The following RUBCN variants were observed in gnomAD, a reference collection of about 807,000 sequenced individuals.
RUBCN encodes the protein run domain Beclin-1-interacting and cysteine-rich domain-containing protein.
RUBCN carries 74 observed loss-of-function variants against 113.2 expected under a neutral mutation model. That is an observed-to-expected ratio of 0.65 (90% CI 0.54 to 0.79). The LOEUF is 0.79. Ranked by LOEUF, RUBCN falls within the 30% of genes least tolerant of loss-of-function variation. The pLI is 0.00. For missense variants in RUBCN, 1,109 were observed against 1,251.7 expected (o/e 0.89, Z 1.72); for synonymous variants, 480 against 490.0 (o/e 0.98, Z 0.27).
In RUBCN at chr3:197,676,950, C is replaced by T; in HGVS notation, c.2581G>A (p.Gly861Arg). The change falls in exon 18 of 20, where the codon GGG (glycine) becomes AGG (arginine). Residue 861 changes from glycine (G) to arginine (R), a missense_variant. Gly to Arg is a moderately radical substitution (Grantham distance 125, BLOSUM62 -2). Transcript: ENST00000296343. Reference sequence around the variant, plus strand: ...TCAGCAAGCCGGGGCCCCAGCTCCCCCTTCCTGGTCGCAGTCAGGTCATTC... The same window carrying T: ...TCAGCAAGCCGGGGCCCCAGCTCCCTCTTCCTGGTCGCAGTCAGGTCATTC... Reference protein sequence around the residue: ...SLNDLTATRKGELGPRLAELT... With the variant: ...SLNDLTATRKRELGPRLAELT... 6.2e-7 allele frequency: 1 copy of T among 1,614,244 alleles called. No homozygotes were observed. The highest frequency in any genetic ancestry group is 1.3e-5 in the African/African-American group (1 of 75,054).
intron 7 of RUBCN, among the ~76,000 whole-genome samples, chr3:197,698,141 T>C (rs1723217211): frequency 6.6e-6 from 1 of 152,198 alleles, no homozygotes; most frequent in South Asian, 2.1e-4. Flanking sequence ...ACTTACTGAG[T>C]TCACTACCTC....
intron 10 of RUBCN, 74 bp downstream of exon 10, chr3:197,694,301 A>G (rs1198500779): frequency 7.9e-7 from 1 of 1,272,608 alleles, no homozygotes; most frequent in Non-Finnish European, 1.2e-6. Context: ...CAGAGGAACC[A>G]CTGGTTTGGG....
chr3:197,681,186 G>T lies in RUBCN; in HGVS notation c.2373C>A (p.Asn791Lys). ...LIKIWNDPLF[N>K]VQDINSALYR... is the part of the protein sequence containing the mutation. Reference sequence around the variant, plus strand: ...AGAGGGCACTGTTTATGTCCTGCACGTTGAAGAGAGGATCATTCCAGATCT... The same window carrying T: ...AGAGGGCACTGTTTATGTCCTGCACTTTGAAGAGAGGATCATTCCAGATCT... Residue 791 changes from asparagine to lysine, a missense_variant, in exon 16 of 20, where the codon AAC becomes AAA. Around this residue, in one of 3 missense-constraint regions of RUBCN, gnomAD observed 306 missense variants for 348.9 expected, o/e 0.88. Transcript: ENST00000296343. This position sits in a 1 kb window ranked among gnomAD's most constrained non-coding sequence, Gnocchi z 5.5. 1 of 1,614,124 alleles carries T rather than the reference G, an allele frequency of 6.2e-7. No homozygotes were observed. The highest frequency in any genetic ancestry group is 8.5e-7 in the Non-Finnish European group (1 of 1,180,006).
At chr3:197,710,966 C>T (rs909516549) in intron 2 of RUBCN, among the ~76,000 whole-genome samples, 1 of 152,146 alleles carries the variant, frequency 6.6e-6, no homozygotes. Flanking sequence ...GCTGGGACTA[C>T]AGGCACATGC....
chr3:197,734,083 C>A (rs1320985054), intron 1 of RUBCN, among the ~76,000 whole-genome samples: 1 of 151,878 alleles, frequency 6.6e-6, no homozygotes, highest in Non-Finnish European at 1.5e-5. Flanking sequence ...TGGCGAAACC[C>A]CGTCTCTACT....
In RUBCN at chr3:197,718,121, G is replaced by A. The variant is rs777284300; in HGVS notation, c.75C>T (p.His25=). The A allele has an allele frequency of 1.2e-6, 2 of 1,614,122 alleles. No individual in the cohort carries two copies. The highest frequency in any genetic ancestry group is 2.2e-5 in the East Asian group (1 of 44,882). The part of the protein sequence containing the change: ...ERLPEESRRE[H]WQLLGNLKTT... ...TCTTCAAATTACCCAGCAACTGCCA[G>A]TGCTCCCTCCTGCAAGGGCATCAGT... The change falls in exon 2 of 20, where the codon CAC becomes CAT. Residue 25 remains histidine, a synonymous_variant. Coordinates refer to ENST00000296343, the MANE Select transcript of RUBCN (RefSeq NM_014687.4).
intron 2 of RUBCN, among the ~76,000 whole-genome samples, chr3:197,711,879 A>C (rs1725008200): frequency 6.6e-6 from 1 of 152,198 alleles, no homozygotes; most frequent in Non-Finnish European, 1.5e-5. Flanking sequence ...TTTTTAAAAC[A>C]CATAAATACA....
intron 2 of RUBCN, among the ~76,000 whole-genome samples, chr3:197,716,199 C>T (rs1282733179): frequency 1.3e-5 from 2 of 152,226 alleles, no homozygotes; most frequent in Non-Finnish European, 2.9e-5. Context: ...ACGGTCTCAG[C>T]TCACTGCAGC....
Position 197,674,591 on chromosome 3 carries a change from C to A in RUBCN, c.*427G>T. The A allele has an allele frequency of 4.1e-6, 2 of 481,992 alleles. No individual in the cohort carries two copies. Among genetic ancestry groups the A allele is most frequent in the Non-Finnish European group, 8.4e-6 (2 of 237,680 alleles). 29.9% of individuals were successfully genotyped at this position (481,992 alleles called of 1,614,324 possible). ...GAAAACGCCATCCCCGTTTCAGCAGCAGGAGAGGTGGTTGAGAAAGGCCTG... is the reference window on the plus strand; with the variant it reads ...GAAAACGCCATCCCCGTTTCAGCAGAAGGAGAGGTGGTTGAGAAAGGCCTG... On this transcript the variant is annotated 3_prime_UTR_variant, in exon 20 of 20. Coordinates refer to ENST00000296343, the MANE Select transcript of RUBCN (RefSeq NM_014687.4).
Position 197,704,661 on chromosome 3 carries a change from C to G in RUBCN, c.344G>C (p.Gly115Ala). Residue 115 changes from glycine (G) to alanine (A), a missense_variant, in exon 4 of 20, where the codon GGT becomes GCT. Physicochemically the swap from Gly to Ala is moderately conservative, Grantham distance 60. Transcript: ENST00000296343. The stretch of plus-strand genomic sequence containing the variant: ...CTCGGCAACAGCACGTTCACTGGCA[C>G]CATCAGCACTGCTCTGGTCGTTCTC... ...VHENDQSSADGASERAVAELW... is the reference protein window; with the variant it reads ...VHENDQSSADAASERAVAELW... The G allele has an allele frequency of 6.2e-7, 1 of 1,614,154 alleles. No homozygotes were observed. The highest frequency in any genetic ancestry group is 1.1e-5 in the South Asian group (1 of 91,084).
upstream of RUBCN, among the ~76,000 whole-genome samples, chr3:197,740,472 A>G (rs966703616): frequency 1.3e-5 from 2 of 152,172 alleles, no homozygotes; most frequent in African/African-American, 4.8e-5. Context: ...CCATCTTAAA[A>G]AAAAAGAAAA....
chr3:197,730,370 T>A (rs1428143496), intron 1 of RUBCN, among the ~76,000 whole-genome samples: 2 of 152,080 alleles, frequency 1.3e-5, no homozygotes, highest in African/African-American at 4.8e-5. Context: ...GCCCCGGGAT[T>A]TTTGCTTTTG....
chr3:197,717,559 G>T (rs1018155002), intron 2 of RUBCN, among the ~76,000 whole-genome samples: 1 of 152,188 alleles, frequency 6.6e-6, no homozygotes, highest in African/African-American at 2.4e-5. Flanking sequence ...GCTGGAAAAG[G>T]CAAGGAAGTA....
At position 197,746,204 on chromosome 3, in the gene RUBCN, G is replaced by A. The variant is rs1246114176; in HGVS notation, c.-116+3065C>T. On this transcript the variant is annotated intron_variant, in intron 1 of 20. Coordinates refer to the RUBCN transcript ENST00000273582. ...AGTTTACTGCAGCACAAAGCTTGAG[G>A]ATAGCCATCGCGAAACATGATTCCA... Among the ~76,000 whole-genome samples the A allele has an allele frequency of 2.6e-5, 4 of 152,214 alleles. No individual in the cohort carries two copies. The East Asian group carries it at 7.7e-4, about 29-fold the overall frequency.
chr3:197,745,123 A>G (rs1475165585), intron 1 of RUBCN, among the ~76,000 whole-genome samples: 1 of 151,762 alleles, frequency 6.6e-6, no homozygotes, highest in Non-Finnish European at 1.5e-5. Flanking sequence ...CATCTCTATT[A>G]AAAATATAAA....
At position 197,695,925 on chromosome 3, in the gene RUBCN, G is replaced by A. The variant is rs1174612336; in HGVS notation, c.1414C>T (p.Gln472Ter). ...EGMFRRPSEG[Q>*]SLISYLSEQD... ...TCAGAGAGGTAGCTGATGAGGGACT[G>A]TCCTTCTGATGGTCTTCGGAACATG... is the stretch of plus-strand genomic sequence containing the variant. The change falls in exon 9 of 20, where the codon CAG becomes TAG. Residue 472 changes from glutamine to a stop codon, truncating the protein, a stop_gained. Coordinates refer to ENST00000296343, the MANE Select transcript of RUBCN (RefSeq NM_014687.4). LOFTEE classifies it high-confidence loss of function. 6 of 1,614,066 alleles carry A rather than the reference G, an allele frequency of 3.7e-6. No individual in the cohort carries two copies. Among genetic ancestry groups the A allele is most frequent in the Non-Finnish European group, 5.1e-6 (6 of 1,180,042 alleles).
intron 6 of RUBCN, among the ~76,000 whole-genome samples, chr3:197,701,449 T>C (rs1385601083): frequency 2.6e-5 from 4 of 152,202 alleles, no homozygotes; most frequent in African/African-American, 4.8e-5. Flanking sequence ...AATCATTCGG[T>C]GTTAGCTAGT....
chr3:197,678,236 G>C (rs1720695298), intron 16 of RUBCN, among the ~76,000 whole-genome samples: 1 of 151,478 alleles, frequency 6.6e-6, no homozygotes, highest in African/African-American at 2.4e-5. Context: ...CTCGATACCT[G>C]GCTTCAGACT....
rs186065208 is a variant in RUBCN, at chr3:197,713,260, C to T, written c.219+4717G>A. On this transcript the variant is annotated intron_variant, in intron 2 of 19. Coordinates refer to ENST00000296343, the MANE Select transcript of RUBCN (RefSeq NM_014687.4). Reference sequence around the variant, plus strand: ...ATTCTCATTGATTTGACTTCCATTTCTCTTTCAGGCACAGATAGTGAAACT... The same window carrying T: ...ATTCTCATTGATTTGACTTCCATTTTTCTTTCAGGCACAGATAGTGAAACT... Among the ~76,000 whole-genome samples, 124 of 152,308 alleles carry T rather than the reference C, an allele frequency of 8.1e-4. 1 individual carries two copies. Among genetic ancestry groups the T allele is most frequent in the South Asian group, 6.2e-4 (3 of 4,820 alleles).
Sources: allele counts gnomAD v4.1 joint callset (sites outside exome capture counted in the v4.1 genomes callset), GRCh38; gene constraint gnomAD v4.1.1; regional missense constraint gnomAD v4.1.1; non-coding constraint Gnocchi (gnomAD v3.1); transcripts MANE v1.5; gene names NCBI Gene and HGNC (gene_info 2026-07-23, HGNC 2026-07-21).